Variants in ATP8B2 observed in about 807,000 individuals in gnomAD.
The protein encoded by ATP8B2 is phospholipid-transporting ATPase ID.
A neutral mutation model predicts 133.4 loss-of-function variants in ATP8B2; 70 were observed. The observed-to-expected ratio is 0.52, with a 90% confidence interval of 0.43 to 0.64. The LOEUF is 0.64. Among genes scored for constraint, ATP8B2 ranks in the 30% least tolerant of loss-of-function variants. ATP8B2 has a pLI of 0.00. For synonymous variants in ATP8B2, 517 were observed against 589.5 expected (o/e 0.88, Z 1.78); for missense variants, 1,101 against 1,535.7 (o/e 0.72, Z 4.73).
At position 154,330,413 on chromosome 1, in the gene ATP8B2, C is replaced by T. The variant is rs1424511928; in HGVS notation, c.49C>T (p.Arg17Trp). The T allele has an allele frequency of 1.9e-6, 3 of 1,602,378 alleles. No individual in the cohort carries two copies. Among genetic ancestry groups the T allele is most frequent in the Non-Finnish European group, 2.6e-6 (3 of 1,173,156 alleles). Reference protein sequence around the residue: ...KRPPEEERRARANDREYNEKF... With the variant: ...KRPPEEERRAWANDREYNEKF... ...TGTTGCAGAAGAAGAAAGGAGGGCG[C>T]GGGCTAATGACCGAGAATACAATGA... The change falls in exon 3 of 28, where the codon CGG becomes TGG. Residue 17 changes from arginine to tryptophan, a missense_variant. Physicochemically the swap from Arg to Trp is moderately radical, Grantham distance 101 (BLOSUM62 -3). Coordinates refer to ENST00000368489, the MANE Select transcript of ATP8B2 (RefSeq NM_001370597.1).
chr1:154,331,101 T>C lies in ATP8B2; in HGVS notation c.258T>C (p.Val86=). Residue 86 remains valine (V), a synonymous_variant, in exon 5 of 28, where the codon GTT becomes GTC. Transcript: ENST00000368489. This position sits in a 1 kb window ranked among gnomAD's most constrained non-coding sequence, Gnocchi z 4.8. ...LSWFTTIVPL[V]LVLTITAVKD... ...GGTTCACCACCATTGTGCCTTTGGT[T>C]CTTGTCCTCACCATCACAGCTGTTA... 6.2e-7 allele frequency: 1 copy of C among 1,614,168 alleles called. No homozygotes were observed. The highest frequency in any genetic ancestry group is 8.5e-7 in the Non-Finnish European group (1 of 1,180,020).
In ATP8B2 at chr1:154,337,713, A is replaced by G. The variant is rs761425808; in HGVS notation, c.1034+169A>G. ...TCTTTGTGGGCAGAGCAAACTTTTTACCACAGTTTCCTGGTACTTGGGACT... is the reference window on the plus strand; with the variant it reads ...TCTTTGTGGGCAGAGCAAACTTTTTGCCACAGTTTCCTGGTACTTGGGACT... On this transcript the variant is annotated intron_variant, in intron 12 of 27. Coordinates refer to ENST00000368489, the MANE Select transcript of ATP8B2 (RefSeq NM_001370597.1). The G allele has an allele frequency of 6.5e-6, 10 of 1,549,382 alleles. No homozygotes were observed. The African/African-American group carries it at 6.9e-5, about 11-fold the overall frequency.
Position 154,331,184 on chromosome 1 carries a change from C to A in ATP8B2, c.303+38C>A, listed in dbSNP as rs764275257. On this transcript the variant is annotated intron_variant, in intron 5 of 27. Transcript: ENST00000368489. This position sits in a 1 kb window ranked among gnomAD's most constrained non-coding sequence, Gnocchi z 4.8. ...CATTCTTCTATTTTGTCCCAGTCAC[C>A]CACCCCTACTCCCAGCCCCACCCCC... 1.3e-6 allele frequency: 2 copies of A among 1,569,342 alleles called. No individual in the cohort carries two copies. The highest frequency in any genetic ancestry group is 3.4e-5 in the Admixed American group (2 of 59,354).
Position 154,340,620 on chromosome 1 carries a change from C to T in ATP8B2, c.1035-234C>T. 6 of 571,436 alleles carry T rather than the reference C, an allele frequency of 1.0e-5. No individual in the cohort carries two copies. Among genetic ancestry groups the T allele is most frequent in the South Asian group, 8.7e-5 (4 of 45,922 alleles). The allele number at this position is 571,436 out of a possible 1,614,324, so 35.4% of individuals were successfully genotyped here. ...CTGTCCTGCCCACCCAGGCCCTTTGCACCTTCTTGTCTGGAGAGCATCAGG... is the reference window on the plus strand; with the variant it reads ...CTGTCCTGCCCACCCAGGCCCTTTGTACCTTCTTGTCTGGAGAGCATCAGG... On this transcript the variant is annotated intron_variant, in intron 12 of 27. Transcript: ENST00000368489. This position sits in a 1 kb window ranked among gnomAD's most constrained non-coding sequence, Gnocchi z 4.0.
In ATP8B2 at chr1:154,346,745, G is replaced by A. The variant is rs758184756; in HGVS notation, c.3150G>A (p.Gln1050=). ...GGCTCTTCGACATGTTTCCCAACCAGTTCCGGTTTGTGGGTAAGTCCCCGT... is the reference window on the plus strand; with the variant it reads ...GGCTCTTCGACATGTTTCCCAACCAATTCCGGTTTGTGGGTAAGTCCCCGT... The part of the protein sequence containing the change: ...SNGLFDMFPN[Q]FRFVGNAQNT... Residue 1050 remains glutamine (Q), a synonymous_variant, in exon 26 of 28, where the codon CAG becomes CAA. Coordinates refer to ENST00000368489, the MANE Select transcript of ATP8B2 (RefSeq NM_001370597.1). This position sits in a 1 kb window ranked among gnomAD's most constrained non-coding sequence, Gnocchi z 4.5. The A allele has an allele frequency of 6.2e-7, 1 of 1,614,066 alleles. No individual in the cohort carries two copies. Among genetic ancestry groups the A allele is most frequent in the African/African-American group, 1.3e-5 (1 of 74,914 alleles).
At chr1:154,336,910 T>C (rs1275515349) in intron 11 of ATP8B2, among the ~76,000 whole-genome samples, 1 of 151,548 alleles carries the variant, frequency 6.6e-6, no homozygotes, top group East Asian at 1.9e-4. Flanking sequence ...TTCTCATGCC[T>C]TGGACTCCTG....
At position 154,346,110 on chromosome 1, in the gene ATP8B2, T is replaced by C; in HGVS notation, c.2779-121T>C. On this transcript the variant is annotated intron_variant, in intron 24 of 27. Transcript: ENST00000368489. The surrounding 1 kb of genome is among the most constrained non-coding windows in gnomAD (Gnocchi z 4.5). ...TGGGGGTAGCTGGCTTGAGGTTGGT[T>C]CTAGCTGCCAAAGACTTTGGAAAGG... is the stretch of plus-strand genomic sequence containing the variant. The C allele has an allele frequency of 6.9e-7, 1 of 1,439,464 alleles. No individual in the cohort carries two copies. The highest frequency in any genetic ancestry group is 9.5e-7 in the Non-Finnish European group (1 of 1,051,518). The allele number at this position is 1,439,464 out of a possible 1,614,324, so 89.2% of individuals were successfully genotyped here. A position where few individuals can be genotyped will look rare whatever the true frequency, so the allele number is the denominator to read the frequency against.
In ATP8B2 at chr1:154,344,901, A is replaced by G; in HGVS notation, c.2287-70A>G. Reference sequence around the variant, plus strand: ...TCAGAGAAGACTGGTCTCAAAGGGGACTGGGAGGAGCTGAGACTCCCAGGT... The same window carrying G: ...TCAGAGAAGACTGGTCTCAAAGGGGGCTGGGAGGAGCTGAGACTCCCAGGT... On this transcript the variant is annotated intron_variant, in intron 21 of 27. Coordinates refer to ENST00000368489, the MANE Select transcript of ATP8B2 (RefSeq NM_001370597.1). This position sits in a 1 kb window ranked among gnomAD's most constrained non-coding sequence, Gnocchi z 4.1. 3 of 1,557,482 alleles carry G rather than the reference A, an allele frequency of 1.9e-6. No homozygotes were observed. The highest frequency in any genetic ancestry group is 2.6e-6 in the Non-Finnish European group (3 of 1,150,022).
At chr1:154,337,926 G>A (rs958130910) in intron 12 of ATP8B2, 1 of 465,108 alleles carries the variant, frequency 2.2e-6, no homozygotes, top group African/African-American at 2.0e-5. Context: ...ATAGGAACCA[G>A]TGCTGTAGAA....
At position 154,328,734 on chromosome 1, in the gene ATP8B2, G is replaced by C. The variant is rs879409710; in HGVS notation, c.31+562G>C. 278 of 937,776 alleles carry C rather than the reference G, an allele frequency of 3.0e-4. 1 individual carries two copies. The highest frequency in any genetic ancestry group is 1.1e-3 in the Admixed American group (18 of 16,200). 58.1% of individuals were successfully genotyped at this position (937,776 alleles called of 1,614,324 possible). ...AACCCTGGGCGTGCTCGGCGTGTCC[G>C]GGGCCACTCAGCGCACGCTGGCATC... On this transcript the variant is annotated intron_variant, in intron 2 of 27. Transcript: ENST00000368489. The surrounding 1 kb of genome is among the most constrained non-coding windows in gnomAD (Gnocchi z 4.6).
chr1:154,328,046 GA>G lies in ATP8B2; in HGVS notation c.-37-58del. On this transcript the variant is annotated intron_variant, in intron 1 of 27. Coordinates refer to ENST00000368489, the MANE Select transcript of ATP8B2 (RefSeq NM_001370597.1). This position sits in a 1 kb window ranked among gnomAD's most constrained non-coding sequence, Gnocchi z 4.6. ...AGAGGGTCTTCAAAAGAGGTCTCAT[GA>G]GGGGAGGGAAGGGTTATCCTCAGCT... is the stretch of plus-strand genomic sequence containing the variant. 1 of 1,572,706 alleles carries G rather than the reference GA, an allele frequency of 6.4e-7. No individual in the cohort carries two copies. Among genetic ancestry groups the G allele is most frequent in the Non-Finnish European group, 8.8e-7 (1 of 1,142,440 alleles).
chr1:154,345,316 C>T lies in ATP8B2; in HGVS notation c.2471-6C>T. ...TTCACCCTCTTGTCATCTCTTGTCT[C>T]TGCAGCGGCTCACATTGGTGTGGGG... On this transcript the variant is annotated splice_polypyrimidine_tract_variant and splice_region_variant and intron_variant, in intron 22 of 27. Coordinates refer to ENST00000368489, the MANE Select transcript of ATP8B2 (RefSeq NM_001370597.1). This position sits in a 1 kb window ranked among gnomAD's most constrained non-coding sequence, Gnocchi z 5.6. 6.2e-7 allele frequency: 1 copy of T among 1,613,860 alleles called. No homozygotes were observed. Among genetic ancestry groups the T allele is most frequent in the South Asian group, 1.1e-5 (1 of 91,074 alleles).
At chr1:154,338,384 G>A (rs1686262384) in intron 12 of ATP8B2, among the ~76,000 whole-genome samples, 1 of 152,214 alleles carries the variant, frequency 6.6e-6, no homozygotes, top group South Asian at 2.1e-4. Context: ...TGAAAAGACT[G>A]GGCACGGTGG....
chr1:154,348,329 G>A, intron 26 of ATP8B2, 79 bp from the exon 27 acceptor site: 1 of 1,484,440 alleles, frequency 6.7e-7, no homozygotes, highest in Non-Finnish European at 9.1e-7. Context: ...TGAGAGTAGG[G>A]AAGTGGAGCT....
Position 154,345,126 on chromosome 1 carries a change from C to T in ATP8B2, c.2442C>T (p.Asp814=), listed in dbSNP as rs747813653. The part of the protein sequence containing the change: ...YKKAVTLAIG[D]GANDVSMIKT... ...AGGCTGTGACGCTTGCCATTGGAGACGGAGCCAATGATGTCAGCATGATCA... is the reference window on the plus strand; with the variant it reads ...AGGCTGTGACGCTTGCCATTGGAGATGGAGCCAATGATGTCAGCATGATCA... Residue 814 remains aspartate, a synonymous_variant, in exon 22 of 28, where the codon GAC becomes GAT. Transcript: ENST00000368489. This position sits in a 1 kb window ranked among gnomAD's most constrained non-coding sequence, Gnocchi z 5.6. 33 of 1,613,840 alleles carry T rather than the reference C, an allele frequency of 2.0e-5. No individual in the cohort carries two copies. The highest frequency in any genetic ancestry group is 8.9e-5 in the East Asian group (4 of 44,898).
In ATP8B2 at chr1:154,345,177, T is replaced by G. The variant is rs1184916444; in HGVS notation, c.2470+23T>G. Reference sequence around the variant, plus strand: ...AAAGTGAGTGTGGGCTGTGCAGGTGTGTAGGCTGGGCTTGAGGCTGGGGAG... The same window carrying G: ...AAAGTGAGTGTGGGCTGTGCAGGTGGGTAGGCTGGGCTTGAGGCTGGGGAG... On this transcript the variant is annotated intron_variant, in intron 22 of 27. Coordinates refer to ENST00000368489, the MANE Select transcript of ATP8B2 (RefSeq NM_001370597.1). This position sits in a 1 kb window ranked among gnomAD's most constrained non-coding sequence, Gnocchi z 5.6. 1 of 1,608,470 alleles carries G rather than the reference T, an allele frequency of 6.2e-7. No individual in the cohort carries two copies. The highest frequency in any genetic ancestry group is 1.7e-5 in the Admixed American group (1 of 59,714).
At chr1:154,329,023 C>G in intron 2 of ATP8B2, 1 of 1,303,952 alleles carries the variant, frequency 7.7e-7, no homozygotes, top group Non-Finnish European at 1.0e-6. Flanking sequence ...AGAAGTGGGC[C>G]CGGGCCCAGG....
intron 12 of ATP8B2, 75 bp downstream of exon 12, chr1:154,337,619 T>TGAAGTCCTTGAGAAGTAACGA (rs757746930): frequency 3.1e-6 from 5 of 1,614,152 alleles, no homozygotes; most frequent in Non-Finnish European, 4.2e-6. Context: ...TCTATGAAGA[T>TGAAGTCCTTGAGAAGTAACGA]GAAGTCCTTG....
In ATP8B2 at chr1:154,340,756, T is replaced by A. The variant is rs1194588; in HGVS notation, c.1035-98T>A. 8.7e-7 allele frequency: 1 copy of A among 1,154,210 alleles called. No individual in the cohort carries two copies. The highest frequency in any genetic ancestry group is 1.5e-5 in the African/African-American group (1 of 65,466). 71.5% of individuals were successfully genotyped at this position (1,154,210 alleles called of 1,614,324 possible). A position where few individuals can be genotyped will look rare whatever the true frequency, so the allele number is the denominator to read the frequency against. On this transcript the variant is annotated intron_variant, in intron 12 of 27. Transcript: ENST00000368489. The surrounding 1 kb of genome is among the most constrained non-coding windows in gnomAD (Gnocchi z 4.0). ...TGTGCCCAGGTGTCTTCTCCGTTCT[T>A]GTCTCTCCCCAGGCGGAGGGCCTGC... is the stretch of plus-strand genomic sequence containing the variant.
Sources: gnomAD v4.1 joint callset for allele counts (sites outside exome capture counted in the v4.1 genomes callset) on GRCh38, gnomAD v4.1.1 for gene constraint, Gnocchi (gnomAD v3.1) non-coding constraint, MANE v1.5 for transcripts, NCBI Gene and HGNC (gene_info 2026-07-23, HGNC 2026-07-21) for gene names.